Variants in GRID1 observed in about 807,000 individuals in gnomAD.
The protein encoded by GRID1 is glutamate ionotropic receptor delta type subunit 1, also known as glutamate receptor ionotropic, delta-1.
GRID1 carries 28 observed loss-of-function variants against 98.0 expected under a neutral mutation model. That is an observed-to-expected ratio of 0.29 (90% CI 0.21 to 0.39). GRID1 has a LOEUF of 0.39. Ranked by LOEUF, GRID1 falls within the 10% of genes least tolerant of loss-of-function variation. The pLI, the probability that GRID1 is intolerant of heterozygous loss-of-function variation, is 1.00. For synonymous variants in GRID1, 553 were observed against 538.5 expected (o/e 1.03, Z -0.37); for missense variants, 1,111 against 1,340.5 (o/e 0.83, Z 2.67).
chr10:85,817,383 C>A (rs536042663), intron 8 of GRID1, among the ~76,000 whole-genome samples: 20 of 151,814 alleles, frequency 1.3e-4, no homozygotes, highest in Middle Eastern at 3.4e-3. Context: ...AAAATTAGCC[C>A]AGCATGGTGG....
At chr10:86,055,312 T>C (rs1158993104) in intron 4 of GRID1, among the ~76,000 whole-genome samples, 2 of 152,234 alleles carry the variant, frequency 1.3e-5, no homozygotes, top group Non-Finnish European at 2.9e-5. Flanking sequence ...GAAACTTTTC[T>C]GTTATGGATT....
In GRID1 at chr10:85,729,544, T is replaced by C. The variant is rs748558775; in HGVS notation, c.1304A>G (p.Gln435Arg). The change falls in exon 9 of 16, where the codon CAA (glutamine) becomes CGA (arginine). Residue 435 changes from glutamine to arginine, a missense_variant. By Grantham distance (43) the Gln-to-Arg change is conservative. Coordinates refer to ENST00000327946, the MANE Select transcript of GRID1 (RefSeq NM_017551.3). ...AGTCACCACTTTAAGAGTCAATCCTTGGAGGCGGCTGCCCATGGGCCTCTC... is the reference window on the plus strand; with the variant it reads ...AGTCACCACTTTAAGAGTCAATCCTCGGAGGCGGCTGCCCATGGGCCTCTC... ...LQERPMGSRL[Q>R]GLTLKVVTVL... 1.2e-6 allele frequency: 2 copies of C among 1,612,218 alleles called. No homozygotes were observed. The highest frequency in any genetic ancestry group is 2.2e-5 in the East Asian group (1 of 44,854).
intron 12 of GRID1, among the ~76,000 whole-genome samples, chr10:85,686,078 T>C (rs1213971502): frequency 6.6e-6 from 1 of 152,056 alleles, no homozygotes; most frequent in African/African-American, 2.4e-5. Flanking sequence ...TCAATACATA[T>C]AAAAGAATAA....
intron 8 of GRID1, among the ~76,000 whole-genome samples, chr10:85,816,418 C>A (rs1425084472): frequency 4.0e-5 from 6 of 151,864 alleles, no homozygotes; most frequent in Non-Finnish European, 8.8e-5. Flanking sequence ...GAAGACAGAC[C>A]CCAAAGGCTA....
At chr10:85,841,351 T>G (rs565350490) in intron 8 of GRID1, among the ~76,000 whole-genome samples, 1 of 152,234 alleles carries the variant, frequency 6.6e-6, no homozygotes, top group African/African-American at 2.4e-5. Context: ...GATTAAAAAT[T>G]TATATGTAAA....
intron 2 of GRID1, among the ~76,000 whole-genome samples, chr10:86,262,881 G>A (rs12249335): frequency 0.064 from 9,813 of 152,216 alleles, 480 homozygotes; most frequent in African/African-American, 0.14. Flanking sequence ...GAAGCCCTGA[G>A]CCCGCCCCCG....
intron 13 of GRID1, among the ~76,000 whole-genome samples, chr10:85,634,655 T>C (rs1412807940): frequency 1.3e-5 from 2 of 152,184 alleles, no homozygotes; most frequent in Non-Finnish European, 2.9e-5. Context: ...GCCACACATA[T>C]TAATTTCTTT....
chr10:85,773,695 G>A (rs1481156006), intron 8 of GRID1, among the ~76,000 whole-genome samples: 1 of 152,152 alleles, frequency 6.6e-6, no homozygotes, highest in Non-Finnish European at 1.5e-5. Context: ...CAAACAGAGA[G>A]CCAAATCATG....
At chr10:85,931,362 A>C (rs1275990606) in intron 4 of GRID1, among the ~76,000 whole-genome samples, 2 of 151,970 alleles carry the variant, frequency 1.3e-5, no homozygotes, top group African/African-American at 4.8e-5. Context: ...ACTCTGAAAT[A>C]TTTTGTTACT....
chr10:85,896,801 G>C (rs1446571750), intron 5 of GRID1, among the ~76,000 whole-genome samples: 2 of 152,144 alleles, frequency 1.3e-5, no homozygotes, highest in African/African-American at 4.8e-5. Flanking sequence ...GACTCTTTGA[G>C]TTTCCATACT....
At chr10:85,628,368 G>A (rs1348430307) in intron 13 of GRID1, among the ~76,000 whole-genome samples, 1 of 151,964 alleles carries the variant, frequency 6.6e-6, no homozygotes, top group African/African-American at 2.4e-5. Flanking sequence ...TGTGAGAATT[G>A]TATAAATGTG....
intron 2 of GRID1, among the ~76,000 whole-genome samples, chr10:86,350,634 T>C (rs1023058308): frequency 9.2e-5 from 14 of 152,110 alleles, no homozygotes; most frequent in African/African-American, 3.4e-4. Context: ...TTGTAATGTA[T>C]TGGTAGACAC....
At chr10:86,045,447 G>A (rs1435265883) in intron 4 of GRID1, among the ~76,000 whole-genome samples, 2 of 152,200 alleles carry the variant, frequency 1.3e-5, no homozygotes, top group African/African-American at 4.8e-5. Context: ...TGACAAGCGA[G>A]ACTGCGATTT....
At chr10:85,764,840 G>C (rs1842182343) in intron 8 of GRID1, among the ~76,000 whole-genome samples, 1 of 152,136 alleles carries the variant, frequency 6.6e-6, no homozygotes, top group Non-Finnish European at 1.5e-5. Context: ...AAGAGAATGG[G>C]AAAATTGAAA....
intron 8 of GRID1, among the ~76,000 whole-genome samples, chr10:85,743,308 A>C (rs1449164130): frequency 6.6e-6 from 1 of 152,168 alleles, no homozygotes; most frequent in Non-Finnish European, 1.5e-5. Flanking sequence ...AGACAGGTGC[A>C]TAAACTAGCT....
At chr10:85,934,413 G>GACACACACACACACACACAC (rs5786728) in intron 4 of GRID1, among the ~76,000 whole-genome samples, 1 of 141,416 alleles carries the variant, frequency 7.1e-6, no homozygotes, top group East Asian at 2.1e-4. Flanking sequence ...GCAGAGATTG[G>GACACACACACACACACACAC]ACACACACAC....
chr10:85,718,815 G>A (rs1841668820), intron 12 of GRID1, among the ~76,000 whole-genome samples: 2 of 152,174 alleles, frequency 1.3e-5, no homozygotes, highest in Admixed American at 1.3e-4. Flanking sequence ...ACGGTCTTGG[G>A]GATTAACAGT....
intron 4 of GRID1, among the ~76,000 whole-genome samples, chr10:85,970,561 A>C (rs947763327): frequency 6.6e-6 from 1 of 152,106 alleles, no homozygotes; most frequent in Admixed American, 6.5e-5. Context: ...AGAATAAAGG[A>C]CAAAAAACAT....
At chr10:86,188,715 C>T (rs1845759819) in intron 3 of GRID1, among the ~76,000 whole-genome samples, 1 of 152,272 alleles carries the variant, frequency 6.6e-6, no homozygotes, top group East Asian at 1.9e-4. Flanking sequence ...TGCCAACATC[C>T]CCTATTAAAG....
Sources: allele counts gnomAD v4.1 joint callset (sites outside exome capture counted in the v4.1 genomes callset), GRCh38; gene constraint gnomAD v4.1.1; transcripts MANE v1.5; gene names NCBI Gene and HGNC (gene_info 2026-07-23, HGNC 2026-07-21).